The following PCNX2 variants were observed in gnomAD, a reference collection of about 807,000 sequenced individuals.
The protein encoded by PCNX2 is pecanex 2.
PCNX2 carries 168 observed loss-of-function variants against 223.8 expected under a neutral mutation model. That is an observed-to-expected ratio of 0.75 (90% CI 0.66 to 0.85). The LOEUF (loss-of-function observed/expected upper bound fraction) is 0.85, where lower values mean the gene tolerates loss of function less well. PCNX2 is among the 40% of genes least tolerant of loss of function. The probability of loss-of-function intolerance (pLI) is 0.00; values close to 1 mark genes in which losing one functional copy is unlikely to be tolerated. For synonymous variants in PCNX2, 1,006 were observed against 1,052.6 expected, an observed-to-expected ratio of 0.96 and a Z score of 0.86; for missense variants, 2,507 against 2,675.5, an observed-to-expected ratio of 0.94 and a Z score of 1.39.
intron 8 of PCNX2, among the ~76,000 whole-genome samples, chr1:233,248,931 T>C (rs1659289274): frequency 1.3e-5 from 2 of 151,882 alleles, no homozygotes; most frequent in African/African-American, 4.8e-5. Context: ...GCTGTGGAAA[T>C]GGAAGGCAGG....
At chr1:233,062,729 CAT>C (rs1440434944) in intron 23 of PCNX2, among the ~76,000 whole-genome samples, 1 of 152,192 alleles carries the variant, frequency 6.6e-6, no homozygotes, top group Non-Finnish European at 1.5e-5. Context: ...ATTCCATCTT[CAT>C]AGTTTATGTT....
chr1:233,061,711 T>C (rs1672411048), intron 23 of PCNX2, among the ~76,000 whole-genome samples: 1 of 152,100 alleles, frequency 6.6e-6, no homozygotes, highest in Admixed American at 6.6e-5. Flanking sequence ...TAAAGAAAGT[T>C]TTGTTGGTTT....
At chr1:233,241,336 C>G (rs1658752013) in intron 8 of PCNX2, 1 of 985,308 alleles carries the variant, frequency 1.0e-6, no homozygotes. Flanking sequence ...AATTCTCAGG[C>G]TTTCAGAGAA....
At chr1:233,215,514 C>T (rs377600427) in intron 12 of PCNX2, among the ~76,000 whole-genome samples, 21 of 152,328 alleles carry the variant, frequency 1.4e-4, no homozygotes, top group South Asian at 6.2e-4. Flanking sequence ...CAGTGGCATA[C>T]GGGCCATAGT....
chr1:233,272,287 T>A (rs1660676585), intron 1 of PCNX2, among the ~76,000 whole-genome samples: 1 of 136,690 alleles, frequency 7.3e-6, no homozygotes. Flanking sequence ...ACTCAAACAA[T>A]TAGCAAGAAA....
chr1:233,159,446 T>C (rs778989617), intron 19 of PCNX2, among the ~76,000 whole-genome samples: 3 of 152,228 alleles, frequency 2.0e-5, no homozygotes, highest in Non-Finnish European at 4.4e-5. Flanking sequence ...CTTATCTTTA[T>C]GCTTGGACAT....
chr1:233,168,544 T>C (rs1678937455), intron 17 of PCNX2, among the ~76,000 whole-genome samples: 1 of 152,066 alleles, frequency 6.6e-6, no homozygotes, highest in Admixed American at 6.5e-5. Context: ...TACAATGCCA[T>C]AGTGATCACT....
At position 233,259,145 on chromosome 1, in the gene PCNX2, C is replaced by A; in HGVS notation, c.717G>T (p.Leu239Phe). Reference protein sequence around the residue: ...KERGGKGQPPLRHRSEGGLVD... With the variant: ...KERGGKGQPPFRHRSEGGLVD... ...CTAAGCCACCCTCGGATCTGTGGCG[C>A]AAAGGAGGCTGCCCCTTGCCTCCTC... is the stretch of plus-strand genomic sequence containing the variant. The change falls in exon 5 of 34, where the codon TTG becomes TTT. Residue 239 changes from leucine to phenylalanine, a missense_variant. Around this residue, in one of 3 missense-constraint regions of PCNX2, gnomAD observed 1,031 missense variants for 1,021.7 expected, o/e 1.01. Transcript: ENST00000258229. The A allele has an allele frequency of 6.2e-7, 1 of 1,614,020 alleles. No homozygotes were observed. The highest frequency in any genetic ancestry group is 8.5e-7 in the Non-Finnish European group (1 of 1,179,872).
In PCNX2 at chr1:233,258,734, A is replaced by C. The variant is rs769330441; in HGVS notation, c.1128T>G (p.Ile376Met). The C allele has an allele frequency of 5.0e-6, 8 of 1,613,934 alleles. No individual in the cohort carries two copies. In the South Asian group the frequency reaches 6.6e-5, roughly 13 times the overall value. Reference protein sequence around the residue: ...DPLSLHEPIKIVITMSSTPNS... With the variant: ...DPLSLHEPIKMVITMSSTPNS... ...TTGGGGTACTGCTCATCGTGATAAC[A>C]ATTTTTATGGGCTCATGTAGACTCA... The change falls in exon 5 of 34, where the codon ATT becomes ATG. Residue 376 changes from isoleucine to methionine, a missense_variant. Coordinates refer to ENST00000258229, the MANE Select transcript of PCNX2 (RefSeq NM_014801.4).
intron 1 of PCNX2, among the ~76,000 whole-genome samples, chr1:233,270,455 T>A (rs1660583392): frequency 6.6e-6 from 1 of 152,118 alleles, no homozygotes; most frequent in South Asian, 2.1e-4. Context: ...ACAGAATGCA[T>A]CCTGACATAC....
chr1:233,135,268 C>G (rs375967639), intron 20 of PCNX2, 78 bp from the exon 21 acceptor site: 22 of 1,408,890 alleles, frequency 1.6e-5, no homozygotes, highest in South Asian at 6.9e-5. Flanking sequence ...TAACAATTCT[C>G]CAGGATTGAT....
chr1:233,295,254 C>T lies in PCNX2; in HGVS notation c.153+72G>A, dbSNP rs542421642. The T allele has an allele frequency of 3.8e-5, 59 of 1,544,576 alleles. 2 individuals are homozygous for T. In the South Asian group the frequency reaches 6.4e-4, roughly 17 times the overall value. On this transcript the variant is annotated intron_variant, in intron 1 of 33. Transcript: ENST00000258229. This position sits in a 1 kb window ranked among gnomAD's most constrained non-coding sequence, Gnocchi z 4.1. ...ACCCGAAAGCCCGTGAGGCTGATGG[C>T]ACGTCTGTGGTTCCTTTCTCCTTCT...
At chr1:233,110,430 C>T (rs1474551907) in intron 21 of PCNX2, among the ~76,000 whole-genome samples, 3 of 152,134 alleles carry the variant, frequency 2.0e-5, no homozygotes, top group Non-Finnish European at 4.4e-5. Context: ...CTATTCCCAG[C>T]AAAAATATCT....
intron 23 of PCNX2, among the ~76,000 whole-genome samples, chr1:233,067,630 C>T (rs1183721544): frequency 2.6e-5 from 4 of 151,924 alleles, no homozygotes; most frequent in African/African-American, 4.8e-5. Context: ...CATGCCACCA[C>T]ACCCAGCTAA....
At chr1:233,207,424 A>G (rs562796024) in intron 13 of PCNX2, among the ~76,000 whole-genome samples, 9 of 152,310 alleles carry the variant, frequency 5.9e-5, no homozygotes, top group East Asian at 1.9e-4. Flanking sequence ...CAGCTGGTCA[A>G]TGTGATCACA....
the PCNX2 span, among the ~76,000 whole-genome samples, chr1:233,303,330 A>G: frequency 6.6e-6 from 1 of 152,134 alleles, no homozygotes; most frequent in Non-Finnish European, 1.5e-5. Context: ...CCTGGGCAAC[A>G]TGGAGAAATC....
intron 26 of PCNX2, among the ~76,000 whole-genome samples, chr1:233,024,237 ATTTG>A (rs1485059316): frequency 1.3e-5 from 2 of 152,120 alleles, no homozygotes; most frequent in African/African-American, 4.8e-5. Context: ...TCTCAATGCC[ATTTG>A]TTTGTTAGCT....
chr1:233,318,041 A>G, the PCNX2 span, among the ~76,000 whole-genome samples: 1 of 152,228 alleles, frequency 6.6e-6, no homozygotes, highest in Non-Finnish European at 1.5e-5. Context: ...CACTTGCCCT[A>G]TCTCCCAAGT....
At chr1:233,214,435 T>C (rs1321517521) in intron 12 of PCNX2, among the ~76,000 whole-genome samples, 1 of 152,216 alleles carries the variant, frequency 6.6e-6, no homozygotes, top group East Asian at 1.9e-4. Context: ...AAGTGTGATC[T>C]GTGATTGCCT....
Sources: gnomAD v4.1 joint callset for allele counts (sites outside exome capture counted in the v4.1 genomes callset) on GRCh38, gnomAD v4.1.1 for gene constraint, gnomAD v4.1.1 regional missense constraint, Gnocchi (gnomAD v3.1) non-coding constraint, MANE v1.5 for transcripts, NCBI Gene and HGNC (gene_info 2026-07-23, HGNC 2026-07-21) for gene names.